The following COL21A1 variants were observed in gnomAD, a reference collection of about 807,000 sequenced individuals.
COL21A1 encodes the protein collagen alpha-1(XXI) chain.
Under a neutral mutation model 137.9 loss-of-function variants are expected in COL21A1, and 149 were observed. That is an observed-to-expected ratio of 1.08 (90% CI 0.95 to 1.24). The LOEUF (loss-of-function observed/expected upper bound fraction) is 1.24. Among genes scored for constraint, COL21A1 ranks in the 50% most tolerant of loss-of-function variants. The pLI is 0.00. For synonymous variants in COL21A1, 456 were observed against 391.5 expected (o/e 1.16, Z -1.95); for missense variants, 1,167 against 1,158.4 (o/e 1.01, Z -0.11).
intron 24 of COL21A1, 78 bp downstream of exon 24, chr6:56,064,500 G>T: frequency 1.0e-6 from 1 of 977,888 alleles, no homozygotes; most frequent in Non-Finnish European, 1.6e-6. Flanking sequence ...ATTTTTATTT[G>T]CAAGTAATCC....
chr6:56,275,877 T>C (rs1763635252), intron 1 of COL21A1, among the ~76,000 whole-genome samples: 1 of 152,182 alleles, frequency 6.6e-6, no homozygotes. Context: ...ATTGGGTACA[T>C]GAAGAAAGAA....
chr6:56,162,619 T>C (rs1776275305), intron 9 of COL21A1, among the ~76,000 whole-genome samples: 1 of 152,136 alleles, frequency 6.6e-6, no homozygotes, highest in East Asian at 1.9e-4. Flanking sequence ...ATGGTAGAGG[T>C]GGCTTGAACC....
chr6:56,182,515 T>C lies in COL21A1; in HGVS notation c.88+16A>G. On this transcript the variant is annotated intron_variant, in intron 2 of 29. Transcript: ENST00000244728. Reference sequence around the variant, plus strand: ...ATTTGTTGATAACAAAAAAGGACAATGCTGATAGTTCTTACTTGATCTTAC... The same window carrying C: ...ATTTGTTGATAACAAAAAAGGACAACGCTGATAGTTCTTACTTGATCTTAC... 1 of 1,531,254 alleles carries C rather than the reference T, an allele frequency of 6.5e-7. No homozygotes were observed. The highest frequency in any genetic ancestry group is 9.0e-7 in the Non-Finnish European group (1 of 1,115,410). The allele number at this position is 1,531,254 out of a possible 1,614,324, so 94.9% of individuals were successfully genotyped here.
intron 1 of COL21A1, among the ~76,000 whole-genome samples, chr6:56,289,951 G>A (rs1275148059): frequency 6.6e-6 from 1 of 152,060 alleles, no homozygotes; most frequent in African/African-American, 2.4e-5. Flanking sequence ...ACCACCATTG[G>A]ACTGTAGGAA....
intron 1 of COL21A1, among the ~76,000 whole-genome samples, chr6:56,184,609 CAGA>C (rs1329632873): frequency 6.6e-6 from 1 of 152,134 alleles, no homozygotes; most frequent in East Asian, 1.9e-4. Context: ...CAACTAACAA[CAGA>C]AGAAGACACA....
At position 56,267,665 on chromosome 6, in the gene COL21A1, G is replaced by A. The variant is rs111966251; in HGVS notation, c.-38-85009C>T. ...CAGCTACTCGGGAGGCTGAGGCAGG[G>A]AGAATCGCTTGAACCCAGGAGGTGG... On this transcript the variant is annotated intron_variant, in intron 1 of 28. Coordinates refer to the COL21A1 transcript ENST00000370819. Among the ~76,000 whole-genome samples the A allele has an allele frequency of 3.3e-3, 497 of 151,896 alleles. 3 individuals carry two copies. The highest frequency in any genetic ancestry group is 0.012 in the African/African-American group (483 of 41,382).
intron 1 of COL21A1, among the ~76,000 whole-genome samples, chr6:56,231,447 ACT>A (rs1345049126): frequency 6.6e-6 from 1 of 151,636 alleles, no homozygotes; most frequent in Non-Finnish European, 1.5e-5. Flanking sequence ...TGAGAACTAG[ACT>A]CTCTGTATCC....
chr6:56,247,554 A>AGTTCAGAG lies in COL21A1; in HGVS notation c.-207_-206insCTCTGAAC, dbSNP rs1782724589. 6.6e-6 allele frequency: 1 copy of AGTTCAGAG among 152,240 alleles called. No homozygotes were observed. Among genetic ancestry groups the AGTTCAGAG allele is most frequent in the Non-Finnish European group, 1.5e-5 (1 of 68,086 alleles). The allele number at this position is 152,240 out of a possible 1,614,324, so 9.4% of individuals were successfully genotyped here. A position where few individuals can be genotyped will look rare whatever the true frequency, so the allele number is the denominator to read the frequency against. ...GTTCTCCCTGCAGCGGCCAGTGCAG[A>AGTTCAGAG]GCTCAGAGGCTCAGAAACTCGCTCT... On this transcript the variant is annotated 5_prime_UTR_variant, in exon 1 of 30. Transcript: ENST00000244728.
rs202220046 is a variant in COL21A1, at chr6:56,199,302, T to TA, written c.-38-16647dup. Among the ~76,000 whole-genome samples, 1,291 of 151,726 alleles carry TA rather than the reference T, an allele frequency of 8.5e-3. 24 individuals carry two copies. The highest frequency in any genetic ancestry group is 0.03 in the African/African-American group (1,246 of 41,286). Reference sequence around the variant, plus strand: ...CAAATATGGAATTCTGTTTTTTTTTTAATCAACCTTTTAATGGTACATAAA... The same window carrying TA: ...CAAATATGGAATTCTGTTTTTTTTTTAAATCAACCTTTTAATGGTACATAAA... On this transcript the variant is annotated intron_variant, in intron 1 of 29. Coordinates refer to ENST00000244728, the MANE Select transcript of COL21A1 (RefSeq NM_030820.4).
intron 1 of COL21A1, among the ~76,000 whole-genome samples, chr6:56,263,326 A>G (rs866678341): frequency 1.2e-4 from 18 of 151,374 alleles, no homozygotes; most frequent in African/African-American, 4.1e-4. Flanking sequence ...CAGAAGTAAC[A>G]TATAAGCTAG....
At chr6:56,315,772 T>C (rs1764716990) in intron 1 of COL21A1, among the ~76,000 whole-genome samples, 1 of 151,618 alleles carries the variant, frequency 6.6e-6, no homozygotes, top group Non-Finnish European at 1.5e-5. Context: ...AGTTCTTCTC[T>C]ATTCCCCATG....
intron 1 of COL21A1, among the ~76,000 whole-genome samples, chr6:56,307,296 G>C (rs979746334): frequency 6.6e-6 from 1 of 152,222 alleles, no homozygotes; most frequent in East Asian, 1.9e-4. Context: ...GCTGCCTTTT[G>C]TTTGGCAATG....
chr6:56,335,170 G>A (rs1199127923), intron 1 of COL21A1, among the ~76,000 whole-genome samples: 1 of 152,032 alleles, frequency 6.6e-6, no homozygotes, highest in Non-Finnish European at 1.5e-5. Flanking sequence ...AGTACCACAT[G>A]AGTTGGACCA....
chr6:56,153,606 G>A (rs139468557), intron 10 of COL21A1, among the ~76,000 whole-genome samples: 132 of 150,550 alleles, frequency 8.8e-4, no homozygotes, highest in African/African-American at 2.9e-3. Flanking sequence ...CTCCCTCTCT[G>A]TGCTTAATTC....
rs1416898226 is a variant in COL21A1 at position 56,247,455 on chromosome 6, G to C, written c.-107C>G. ...AGTGTTGCGCCAGGGGGACAGGTAT[G>C]TTCCAGGCAGTGGCAAGCCCAACCC... On this transcript the variant is annotated 5_prime_UTR_variant, in exon 1 of 30. Coordinates refer to ENST00000244728, the MANE Select transcript of COL21A1 (RefSeq NM_030820.4). 6.6e-6 allele frequency: 1 copy of C among 152,312 alleles called. No homozygotes were observed. The highest frequency in any genetic ancestry group is 2.4e-5 in the African/African-American group (1 of 41,456). The allele number at this position is 152,312 out of a possible 1,614,324, so 9.4% of individuals were successfully genotyped here.
At chr6:56,113,069 C>G (rs1028100515) in intron 16 of COL21A1, among the ~76,000 whole-genome samples, 1 of 152,180 alleles carries the variant, frequency 6.6e-6, no homozygotes, top group Admixed American at 6.5e-5. Context: ...ACCTCACCAC[C>G]AAGGGCCAAA....
intron 1 of COL21A1, among the ~76,000 whole-genome samples, chr6:56,283,237 C>CAA (rs35555993): frequency 7.0e-6 from 1 of 142,012 alleles, no homozygotes; most frequent in South Asian, 2.3e-4. Context: ...TTTGTAAAAG[C>CAA]AAAAAAAAAA....
intron 14 of COL21A1, among the ~76,000 whole-genome samples, chr6:56,124,625 A>ATTTTTT (rs376945703): frequency 9.8e-6 from 1 of 101,782 alleles, no homozygotes; most frequent in African/African-American, 3.6e-5. Flanking sequence ...TTCAGTGGAC[A>ATTTTTT]TGTTTTTTGT....
chr6:56,356,956 CATTCTTCAGT>C (rs1341279671), intron 1 of COL21A1, among the ~76,000 whole-genome samples: 2 of 152,192 alleles, frequency 1.3e-5, no homozygotes, highest in South Asian at 4.1e-4. Flanking sequence ...TACTTTTACA[CATTCTTCAGT>C]ATTCTGTGCA....
Sources: allele counts gnomAD v4.1 joint callset (sites outside exome capture counted in the v4.1 genomes callset), GRCh38; gene constraint gnomAD v4.1.1; transcripts MANE v1.5; gene names NCBI Gene and HGNC (gene_info 2026-07-23, HGNC 2026-07-21).